Variants in TTC3 observed in about 807,000 individuals in gnomAD.
TTC3 encodes E3 ubiquitin-protein ligase TTC3.
In TTC3, 180 loss-of-function variants were observed where a neutral mutation model predicts 249.6. The observed-to-expected ratio is 0.72, with a 90% CI of 0.64 to 0.82. The LOEUF is 0.82. Among genes scored for constraint, TTC3 ranks in the 40% least tolerant of loss-of-function variants. The probability of loss-of-function intolerance (pLI) is 0.00; values close to 1 mark genes in which losing one functional copy is unlikely to be tolerated. For missense variants in TTC3, 2,061 were observed against 2,398.4 expected (o/e 0.86, Z 2.94); for synonymous variants, 717 against 805.0 (o/e 0.89, Z 1.85).
intron 11 of TTC3, among the ~76,000 whole-genome samples, chr21:37,111,276 C>T (rs942736052): frequency 1.3e-5 from 2 of 152,134 alleles, no homozygotes; most frequent in Non-Finnish European, 2.9e-5. Context: ...GATAAAGAGT[C>T]AAGACCGATC....
At chr21:37,143,462 C>T (rs1307518078) in intron 20 of TTC3, among the ~76,000 whole-genome samples, 2 of 152,078 alleles carry the variant, frequency 1.3e-5, no homozygotes, top group African/African-American at 4.8e-5. Context: ...CAAAAGAAGA[C>T]ATTTATGCAG....
In TTC3 at chr21:37,140,191, A is replaced by AG. The variant is rs1168082006; in HGVS notation, c.1660-370_1660-369insG. ...ATTCCTTCCAAGGGATTAGCACTTAATAGGATCTATGTTATGGTGTGTTTA... is the reference window on the plus strand; with the variant it reads ...ATTCCTTCCAAGGGATTAGCACTTAAGTAGGATCTATGTTATGGTGTGTTTA... On this transcript the variant is annotated intron_variant, in intron 19 of 45. Transcript: ENST00000355666. 4.3e-3 allele frequency among the ~76,000 whole-genome samples: 661 copies of AG among 152,356 alleles called. 7 individuals carry two copies. Among genetic ancestry groups the AG allele is most frequent in the African/African-American group, 0.015 (631 of 41,594 alleles).
At chr21:37,125,478 GTTGT>G (rs546533775) in intron 14 of TTC3, among the ~76,000 whole-genome samples, 3 of 152,126 alleles carry the variant, frequency 2.0e-5, no homozygotes, top group South Asian at 4.1e-4. Flanking sequence ...AAGGATGGTT[GTTGT>G]TTAACTACTG....
At chr21:37,127,924 G>T (rs1485782512) in intron 15 of TTC3, among the ~76,000 whole-genome samples, 6 of 152,102 alleles carry the variant, frequency 3.9e-5, no homozygotes, top group Non-Finnish European at 8.8e-5. Context: ...CATCTTTGAG[G>T]ATAAAACTTT....
chr21:37,135,458 A>G, exon 18 of TTC3: 2 of 1,614,054 alleles, frequency 1.2e-6, no homozygotes, highest in Non-Finnish European at 1.7e-6. Flanking sequence ...GCGTTGCCGC[A>G]GCGCTGCACA....
intron 10 of TTC3, 76 bp from the exon 11 acceptor site, chr21:37,108,316 A>G: frequency 8.2e-7 from 1 of 1,220,574 alleles, no homozygotes; most frequent in Non-Finnish European, 1.1e-6. Flanking sequence ...GAAAATTCAC[A>G]AAGTACACAT....
At chr21:37,179,287 A>T (rs76400509) in intron 35 of TTC3, among the ~76,000 whole-genome samples, 3,181 of 152,236 alleles carry the variant, frequency 0.021, 108 homozygotes, top group African/African-American at 0.073. Flanking sequence ...ACCCTGTCTC[A>T]AAAAAACAAA....
chr21:37,135,479 G>A, exon 18 of TTC3: 1 of 1,614,028 alleles, frequency 6.2e-7, no homozygotes, highest in South Asian at 1.1e-5. Context: ...GGCCTTTACA[G>A]AGTTGCTGAA....
At chr21:37,181,813 A>C (rs1200301018) in intron 35 of TTC3, among the ~76,000 whole-genome samples, 2 of 152,190 alleles carry the variant, frequency 1.3e-5, no homozygotes, top group Non-Finnish European at 2.9e-5. Context: ...TATGGAATCC[A>C]TGTAGGTTGA....
At chr21:37,092,406 G>A (rs2073390272) in intron 7 of TTC3, among the ~76,000 whole-genome samples, 1 of 152,196 alleles carries the variant, frequency 6.6e-6, no homozygotes, top group Admixed American at 6.5e-5. Flanking sequence ...TTAATTATAA[G>A]CTAGATTTTA....
chr21:37,084,966 C>T (rs1002205964), intron 1 of TTC3, among the ~76,000 whole-genome samples: 2 of 151,766 alleles, frequency 1.3e-5, no homozygotes, highest in Non-Finnish European at 2.9e-5. Context: ...GCACTCCAGC[C>T]TGGGCGACAG....
At chr21:37,158,905 A>C (rs1195629626) in intron 28 of TTC3, among the ~76,000 whole-genome samples, 1 of 151,402 alleles carries the variant, frequency 6.6e-6, no homozygotes, top group Non-Finnish European at 1.5e-5. Flanking sequence ...CCACAGTTAG[A>C]CCACTATAGT....
chr21:37,128,266 G>T (rs773264437), intron 15 of TTC3, among the ~76,000 whole-genome samples: 2 of 152,126 alleles, frequency 1.3e-5, no homozygotes, highest in Non-Finnish European at 2.9e-5. Flanking sequence ...CTTCTACACA[G>T]CTCTGAGCAT....
chr21:37,198,024 T>C lies in TTC3; in HGVS notation c.5849T>C (p.Ile1950Thr), dbSNP rs753751294. 28 of 1,606,712 alleles carry C rather than the reference T, an allele frequency of 1.7e-5. No homozygotes were observed. The East Asian group carries it at 2.2e-4, about 13-fold the overall frequency. ...AAAGCAGAAGATGTCCCTGTGAGGA[T>C]TGTATGTATAACTGTATAGTTTTGT... The change falls in exon 44 of 46, where the codon ATT (isoleucine) becomes ACT (threonine). Residue 1950 changes from isoleucine (I) to threonine (T), a missense_variant and splice_region_variant. Coordinates refer to ENST00000355666, the Ensembl canonical transcript of TTC3.
At chr21:37,120,278 A>G (rs2076476944) in intron 11 of TTC3, among the ~76,000 whole-genome samples, 1 of 152,230 alleles carries the variant, frequency 6.6e-6, no homozygotes, top group Admixed American at 6.5e-5. Flanking sequence ...GATACCTTTA[A>G]TTTAAGCTTC....
intron 10 of TTC3, among the ~76,000 whole-genome samples, chr21:37,102,810 A>G (rs2074644019): frequency 6.6e-6 from 1 of 152,216 alleles, no homozygotes; most frequent in African/African-American, 2.4e-5. Flanking sequence ...CATCCTGGTC[A>G]ACATGGTGAA....
chr21:37,150,657 T>C (rs1173901049), intron 24 of TTC3, among the ~76,000 whole-genome samples, 163 bp from the exon 25 acceptor site: 1 of 152,234 alleles, frequency 6.6e-6, no homozygotes, highest in East Asian at 1.9e-4. Context: ...CAGTAAATTA[T>C]TTTGCTAAAG....
exon 46 of TTC3, chr21:37,201,706 C>G: frequency 8.9e-7 from 1 of 1,123,312 alleles, no homozygotes. Context: ...ACATGGAAAT[C>G]GTTAATATCG....
chr21:37,116,780 C>A (rs1331808916), intron 11 of TTC3, among the ~76,000 whole-genome samples: 1 of 152,056 alleles, frequency 6.6e-6, no homozygotes, highest in African/African-American at 2.4e-5. Context: ...GCATTCCAGC[C>A]TGGGTGACAG....
Sources: allele counts gnomAD v4.1 joint callset (sites outside exome capture counted in the v4.1 genomes callset), GRCh38; gene constraint gnomAD v4.1.1; transcripts MANE v1.5; gene names NCBI Gene and HGNC (gene_info 2026-07-23, HGNC 2026-07-21).